The following ADAMTS10 variants were observed in gnomAD, a reference collection of about 807,000 sequenced individuals.
ADAMTS10 encodes the protein A disintegrin and metalloproteinase with thrombospondin motifs 10.
A neutral mutation model predicts 135.9 loss-of-function variants in ADAMTS10; 48 were observed. That is an observed-to-expected ratio of 0.35 (90% CI 0.28 to 0.45). The LOEUF (loss-of-function observed/expected upper bound fraction) is 0.45. ADAMTS10 is among the 20% of genes least tolerant of loss of function. ADAMTS10 has a pLI of 1.00. For missense variants in ADAMTS10, 1,131 were observed against 1,565.2 expected (o/e 0.72, Z 4.68); for synonymous variants, 621 against 647.5 (o/e 0.96, Z 0.62).
chr19:8,590,517 GACA>G (rs2042509325), intron 15 of ADAMTS10, among the ~76,000 whole-genome samples: 2 of 151,726 alleles, frequency 1.3e-5, no homozygotes, highest in Non-Finnish European at 2.9e-5. Flanking sequence ...GGAGTGCAGT[GACA>G]CAATCTCGGC....
rs2042712794 is a variant in ADAMTS10, at chr19:8,605,571, G to A, written c.88+52C>T. The A allele has an allele frequency of 3.1e-6, 5 of 1,588,664 alleles. No homozygotes were observed. The Middle Eastern group carries it at 5.0e-4, about 158-fold the overall frequency. On this transcript the variant is annotated intron_variant, in intron 3 of 25. Coordinates refer to ENST00000597188, the MANE Select transcript of ADAMTS10 (RefSeq NM_030957.4). This position sits in a 1 kb window ranked among gnomAD's most constrained non-coding sequence, Gnocchi z 7.7. ...GCCTCTTTCTGTTGGAGCCCAACTG[G>A]TCTCTTACATTTTTCGCTCCCTCCC... is the stretch of plus-strand genomic sequence containing the variant.
At chr19:8,597,600 C>T (rs1555740577) in intron 6 of ADAMTS10, among the ~76,000 whole-genome samples, 1 of 150,188 alleles carries the variant, frequency 6.7e-6, no homozygotes, top group Non-Finnish European at 1.5e-5. Flanking sequence ...AGCCATGTAT[C>T]AGTCTTTTCA....
intron 13 of ADAMTS10, among the ~76,000 whole-genome samples, 178 bp downstream of exon 13, chr19:8,592,585 G>C (rs1207682013): frequency 1.3e-5 from 2 of 151,552 alleles, no homozygotes; most frequent in Admixed American, 1.3e-4. Flanking sequence ...CGGTGGGCGT[G>C]GCCAACGCGG....
In ADAMTS10 at chr19:8,584,915, G is replaced by T. The variant is rs530244308; in HGVS notation, c.3182C>A (p.Thr1061Asn). ...CATACCTTCAGGGCCGTCCCCGGGG[G>T]TTGGGCTGTCGCACTTGGCCTCACA... ...QQCEAKCDSP[T>N]PGDGPEECKD... Residue 1061 changes from threonine to asparagine, a missense_variant, in exon 25 of 26, where the codon ACC (threonine) becomes AAC (asparagine). This residue lies in a region of ADAMTS10 where 745 missense variants were observed against 1,056.3 expected (regional missense o/e 0.71). Coordinates refer to ENST00000597188, the MANE Select transcript of ADAMTS10 (RefSeq NM_030957.4). The T allele has an allele frequency of 2.5e-5, 38 of 1,549,012 alleles. No homozygotes were observed. The East Asian group carries it at 8.8e-4, about 36-fold the overall frequency.
intron 13 of ADAMTS10, among the ~76,000 whole-genome samples, chr19:8,592,483 G>A (rs1431699183): frequency 6.6e-6 from 1 of 151,378 alleles, no homozygotes; most frequent in African/African-American, 2.4e-5. Flanking sequence ...CAGTAGGCGT[G>A]GCCAGAGCCG....
intron 1 of ADAMTS10, among the ~76,000 whole-genome samples, chr19:8,609,234 CTGTGTG>C (rs35269308): frequency 7.9e-5 from 11 of 139,926 alleles, no homozygotes; most frequent in East Asian, 2.1e-4. Flanking sequence ...GTGTGTGACC[CTGTGTG>C]TGTGTGTGTG....
Position 8,584,904 on chromosome 19 carries a change from C to G in ADAMTS10, c.3193G>C (p.Gly1065Arg), listed in dbSNP as rs80046653. The G allele has an allele frequency of 1.3e-6, 2 of 1,548,964 alleles. No individual in the cohort carries two copies. Among genetic ancestry groups the G allele is most frequent in the Middle Eastern group, 1.8e-4 (1 of 5,506 alleles). Residue 1065 changes from glycine to arginine, a missense_variant, in exon 25 of 26, where the codon GGC becomes CGC. Transcript: ENST00000597188. ...AKCDSPTPGD[G>R]PEECKDVNKV... ...CTGGTCACCCACATACCTTCAGGGC[C>G]GTCCCCGGGGGTTGGGCTGTCGCAC... is the stretch of plus-strand genomic sequence containing the variant.
chr19:8,596,162 TG>T lies in ADAMTS10; in HGVS notation c.1247del (p.Pro416GlnfsTer11). On this transcript the variant is annotated frameshift_variant, in exon 11 of 26. Coordinates refer to ENST00000597188, the MANE Select transcript of ADAMTS10 (RefSeq NM_030957.4). LOFTEE classifies it high-confidence loss of function. This position sits in a 1 kb window ranked among gnomAD's most constrained non-coding sequence, Gnocchi z 7.2. ...TAATGTGGGCAGCCATGAGCTTGGCTGGGTCCTGACCACGGGCCCCACAGCT... is the reference window on the plus strand; with the variant it reads ...TAATGTGGGCAGCCATGAGCTTGGCTGGTCCTGACCACGGGCCCCACAGCT... ...GNSCGARGQD[P>X]AKLMAAHITM... 1 of 1,614,186 alleles carries T rather than the reference TG, an allele frequency of 6.2e-7. No individual in the cohort carries two copies. The highest frequency in any genetic ancestry group is 8.5e-7 in the Non-Finnish European group (1 of 1,180,032).
chr19:8,600,655 CA>C (rs1568404405), intron 6 of ADAMTS10, among the ~76,000 whole-genome samples: 5 of 151,938 alleles, frequency 3.3e-5, no homozygotes, highest in East Asian at 1.9e-4. Context: ...CCCGCCACCA[CA>C]CTCGGCTAAT....
At position 8,581,130 on chromosome 19, in the gene ADAMTS10, C is replaced by CTTTTTTTTTTTTTTTTTTTTT. The variant is rs369050914; in HGVS notation, c.3203-149_3203-129dup. 30 of 147,320 alleles carry CTTTTTTTTTTTTTTTTTTTTT rather than the reference C, an allele frequency of 2.0e-4. 1 individual carries two copies. Among genetic ancestry groups the CTTTTTTTTTTTTTTTTTTTTT allele is most frequent in the Admixed American group, 3.4e-4 (2 of 5,928 alleles). 9.1% of individuals were successfully genotyped at this position (147,320 alleles called of 1,614,324 possible). Reference sequence around the variant, plus strand: ...CTTGGTTTCTTTCTTTTTAAATTTACTTTTTTTTTTTTTTTTTTTTTTTTT... The same window carrying CTTTTTTTTTTTTTTTTTTTTT: ...CTTGGTTTCTTTCTTTTTAAATTTACTTTTTTTTTTTTTTTTTTTTTTTTTTTTTTTTTTTTTTTTTTTTTT... On this transcript the variant is annotated intron_variant, in intron 25 of 25. Coordinates refer to ENST00000597188, the MANE Select transcript of ADAMTS10 (RefSeq NM_030957.4).
intron 25 of ADAMTS10, among the ~76,000 whole-genome samples, chr19:8,584,010 A>G (rs1056933183): frequency 6.6e-6 from 1 of 151,542 alleles, no homozygotes. Flanking sequence ...TACAAAAATT[A>G]GCTGGGTGTG....
Position 8,601,209 on chromosome 19 carries a change from C to T in ADAMTS10, c.593-64G>A. 6.4e-7 allele frequency: 1 copy of T among 1,555,918 alleles called. No individual in the cohort carries two copies. The highest frequency in any genetic ancestry group is 1.1e-5 in the South Asian group (1 of 87,754). ...GGTGGGACGCAGAGCTGCCTGACAA[C>T]TGTCTTGTCCAACCTCTGACTGGCT... On this transcript the variant is annotated intron_variant, in intron 5 of 25. Transcript: ENST00000597188. The surrounding 1 kb of genome is among the most constrained non-coding windows in gnomAD (Gnocchi z 4.6).
chr19:8,580,300 TG>T lies in ADAMTS10; in HGVS notation c.*592del, dbSNP rs1355671148. The T allele has an allele frequency of 6.4e-6, 1 of 155,630 alleles. No individual in the cohort carries two copies. The highest frequency in any genetic ancestry group is 1.4e-5 in the Non-Finnish European group (1 of 69,522). 9.6% of individuals were successfully genotyped at this position (155,630 alleles called of 1,614,324 possible). ...TGTAGGGCTTCCTGGCAGGAGTGTG[TG>T]GGCCCCAGGGCAGGGTCTGTAGCAC... On this transcript the variant is annotated 3_prime_UTR_variant, in exon 26 of 26. Coordinates refer to ENST00000597188, the MANE Select transcript of ADAMTS10 (RefSeq NM_030957.4).
In ADAMTS10 at chr19:8,585,235, A is replaced by C; in HGVS notation, c.2939T>G (p.Leu980Arg). The C allele has an allele frequency of 6.8e-7, 1 of 1,461,380 alleles. No homozygotes were observed. Among genetic ancestry groups the C allele is most frequent in the Non-Finnish European group, 9.0e-7 (1 of 1,105,536 alleles). 90.5% of individuals were successfully genotyped at this position (1,461,380 alleles called of 1,614,324 possible). The change falls in exon 24 of 26, where the codon CTG becomes CGG. Residue 980 changes from leucine (L) to arginine (R), a missense_variant. Coordinates refer to ENST00000597188, the MANE Select transcript of ADAMTS10 (RefSeq NM_030957.4). ...GGCGGGTGAGCAGTGCGCCGGGGGCAGCGTGGCGCGGTGGTCTGCGCTCTT... is the reference window on the plus strand; with the variant it reads ...GGCGGGTGAGCAGTGCGCCGGGGGCCGCGTGGCGCGGTGGTCTGCGCTCTT... ...LCKSADHRAT[L>R]PPAHCSPAAK...
At chr19:8,592,409 G>A (rs2042547396) in intron 13 of ADAMTS10, among the ~76,000 whole-genome samples, 1 of 152,132 alleles carries the variant, frequency 6.6e-6, no homozygotes, top group Non-Finnish European at 1.5e-5. Context: ...TCTACAGGCA[G>A]TAGGCGTGGC....
intron 18 of ADAMTS10, among the ~76,000 whole-genome samples, chr19:8,588,548 C>A (rs2042471250): frequency 6.6e-6 from 1 of 152,156 alleles, no homozygotes. Flanking sequence ...ATTTCCTGAG[C>A]CTCCTCCCCT....
intron 25 of ADAMTS10, 105 bp downstream of exon 25, chr19:8,584,790 T>C: frequency 6.9e-7 from 1 of 1,459,290 alleles, no homozygotes; most frequent in Admixed American, 2.0e-5. Flanking sequence ...GCAATGCATT[T>C]CCGAGGTTCC....
rs2042771506 is a variant in ADAMTS10, at chr19:8,610,671, GTCGCCGCCGCTGTC to G, written c.-256_-243del. ...GCGCCGCGCCCGGGGCCTCCGCGCCGTCGCCGCCGCTGTCTCGCCGCCCCGCGCGCGCAGGAAGG... is the reference window on the plus strand; with the variant it reads ...GCGCCGCGCCCGGGGCCTCCGCGCCGTCGCCGCCCCGCGCGCGCAGGAAGG... On this transcript the variant is annotated 5_prime_UTR_variant, in exon 1 of 26. Coordinates refer to ENST00000597188, the MANE Select transcript of ADAMTS10 (RefSeq NM_030957.4). The G allele has an allele frequency of 6.7e-6, 1 of 149,658 alleles. No homozygotes were observed. Among genetic ancestry groups the G allele is most frequent in the African/African-American group, 2.4e-5 (1 of 40,972 alleles). 9.3% of individuals were successfully genotyped at this position (149,658 alleles called of 1,614,324 possible).
intron 25 of ADAMTS10, 107 bp from the exon 26 acceptor site, chr19:8,581,109 GTTTC>G: frequency 2.9e-6 from 1 of 341,302 alleles, no homozygotes. Context: ...CTGTGCCTTG[GTTTC>G]TTTCTTTTTA....
Sources: gnomAD v4.1 joint callset for allele counts (sites outside exome capture counted in the v4.1 genomes callset) on GRCh38, gnomAD v4.1.1 for gene constraint, gnomAD v4.1.1 regional missense constraint, Gnocchi (gnomAD v3.1) non-coding constraint, MANE v1.5 for transcripts, NCBI Gene and HGNC (gene_info 2026-07-23, HGNC 2026-07-21) for gene names.